Variants in SLC35F3 observed in about 807,000 individuals in gnomAD.
SLC35F3 encodes the protein putative thiamine transporter SLC35F3.
In SLC35F3, 25 loss-of-function variants were observed where a neutral mutation model predicts 49.9. The ratio of observed to expected loss-of-function variants is 0.50; its 90% CI spans 0.37 to 0.70. The LOEUF (loss-of-function observed/expected upper bound fraction) is 0.70. Ranked by LOEUF, SLC35F3 falls within the 30% of genes least tolerant of loss-of-function variation. The pLI is 0.00. For synonymous variants in SLC35F3, 275 were observed against 265.4 expected, an observed-to-expected ratio of 1.04 and a Z score of -0.35; for missense variants, 525 against 639.8, an observed-to-expected ratio of 0.82 and a Z score of 1.94.
intron 2 of SLC35F3, among the ~76,000 whole-genome samples, chr1:233,931,852 A>G (rs1361443755): frequency 2.0e-5 from 3 of 152,216 alleles, no homozygotes; most frequent in African/African-American, 7.2e-5. Context: ...ACGTATGTTT[A>G]TTGCAGCACT....
chr1:234,022,491 A>G (rs562929999), intron 2 of SLC35F3, among the ~76,000 whole-genome samples: 1 of 152,152 alleles, frequency 6.6e-6, no homozygotes, highest in South Asian at 2.1e-4. Flanking sequence ...AAGGCCTTCA[A>G]CTGATTAGAG....
chr1:233,979,010 T>C (rs1663136655), intron 2 of SLC35F3, among the ~76,000 whole-genome samples: 1 of 149,612 alleles, frequency 6.7e-6, no homozygotes, highest in Non-Finnish European at 1.5e-5. Context: ...CACTCCAGCC[T>C]GGACGACAGA....
At chr1:234,168,247 G>A (rs1241601702) in intron 2 of SLC35F3, among the ~76,000 whole-genome samples, 1 of 152,228 alleles carries the variant, frequency 6.6e-6, no homozygotes, top group Admixed American at 6.5e-5. Flanking sequence ...GCTCCTTAGA[G>A]ATTTCCTGCC....
At chr1:233,962,282 A>G (rs1044052945) in intron 2 of SLC35F3, among the ~76,000 whole-genome samples, 1 of 152,244 alleles carries the variant, frequency 6.6e-6, no homozygotes, top group Non-Finnish European at 1.5e-5. Context: ...GTATTCTTCA[A>G]GAATGTGATC....
intron 2 of SLC35F3, among the ~76,000 whole-genome samples, chr1:233,998,381 C>T (rs934238584): frequency 1.3e-5 from 2 of 151,626 alleles, no homozygotes; most frequent in Non-Finnish European, 2.9e-5. Flanking sequence ...TAAACTCTTT[C>T]GGGGCAAAAA....
chr1:234,156,925 C>G (rs1228417552), intron 2 of SLC35F3, among the ~76,000 whole-genome samples: 1 of 152,032 alleles, frequency 6.6e-6, no homozygotes, highest in East Asian at 1.9e-4. Context: ...CGCAGAGAGA[C>G]AGCAAGTAGA....
chr1:233,985,796 C>G (rs1425918876), intron 2 of SLC35F3, among the ~76,000 whole-genome samples: 1 of 152,244 alleles, frequency 6.6e-6, no homozygotes, highest in Non-Finnish European at 1.5e-5. Flanking sequence ...TAGCTGTCCA[C>G]CAGTCTTTAT....
chr1:234,134,753 G>T (rs972998959), intron 2 of SLC35F3, among the ~76,000 whole-genome samples: 11 of 151,962 alleles, frequency 7.2e-5, no homozygotes, highest in African/African-American at 2.2e-4. Flanking sequence ...AGACAGTCTC[G>T]CTCTGTTGCC....
chr1:234,006,558 G>C (rs940967679), intron 2 of SLC35F3, among the ~76,000 whole-genome samples: 1 of 152,216 alleles, frequency 6.6e-6, no homozygotes, highest in Non-Finnish European at 1.5e-5. Context: ...TTCCATGTGT[G>C]ATACTAAAGT....
intron 2 of SLC35F3, among the ~76,000 whole-genome samples, chr1:234,134,286 AATT>A (rs1350940954): frequency 7.0e-6 from 1 of 143,378 alleles, no homozygotes; most frequent in African/African-American, 2.8e-5. Context: ...TATTAATTGT[AATT>A]AATAATAATT....
At chr1:234,011,828 C>G (rs897456396) in intron 2 of SLC35F3, among the ~76,000 whole-genome samples, 6 of 152,108 alleles carry the variant, frequency 3.9e-5, no homozygotes, top group East Asian at 1.9e-4. Flanking sequence ...TGGCCTGCCC[C>G]TCCACACCTG....
At chr1:234,098,013 A>C (rs1488639260) in intron 2 of SLC35F3, among the ~76,000 whole-genome samples, 1 of 150,688 alleles carries the variant, frequency 6.6e-6, no homozygotes, top group Non-Finnish European at 1.5e-5. Context: ...TTATAGGGTG[A>C]TGATGGAGGT....
intron 3 of SLC35F3, among the ~76,000 whole-genome samples, chr1:234,236,925 T>TTATATATATATATATATATATATATATA (rs55846915): frequency 1.0e-5 from 1 of 96,294 alleles, no homozygotes; most frequent in Non-Finnish European, 2.0e-5. Flanking sequence ...AAAAAAAAAA[T>TTATATATATATATATATATATATATATA]TATATATATA....
chr1:234,286,519 A>G (rs588219), intron 3 of SLC35F3, among the ~76,000 whole-genome samples: 104,185 of 152,142 alleles, frequency 0.68, 35,872 homozygotes, highest in Middle Eastern at 0.75. Flanking sequence ...GTTATGTAAC[A>G]AACTGTAGTA....
intron 2 of SLC35F3, among the ~76,000 whole-genome samples, chr1:234,156,631 A>G (rs912920080): frequency 2.0e-5 from 3 of 152,210 alleles, no homozygotes; most frequent in Admixed American, 1.3e-4. Flanking sequence ...TTCAAGAGAA[A>G]TGAAAACATA....
intron 2 of SLC35F3, among the ~76,000 whole-genome samples, chr1:234,051,362 C>G (rs1256487232): frequency 7.2e-5 from 11 of 152,054 alleles, no homozygotes; most frequent in Admixed American, 3.3e-4. Flanking sequence ...CACATCCCTT[C>G]TAAGTTGGAT....
chr1:234,096,733 G>A (rs1665130707), intron 2 of SLC35F3, among the ~76,000 whole-genome samples: 1 of 152,162 alleles, frequency 6.6e-6, no homozygotes, highest in South Asian at 2.1e-4. Flanking sequence ...ATGGATTTGA[G>A]GGTGGGTAAG....
At chr1:234,041,387 T>C (rs926342465) in intron 2 of SLC35F3, among the ~76,000 whole-genome samples, 1 of 152,124 alleles carries the variant, frequency 6.6e-6, no homozygotes, top group Non-Finnish European at 1.5e-5. Context: ...TACGGAGGGA[T>C]TTCTTTCCAG....
chr1:234,123,576 A>ATTTTTTT (rs71170464), intron 2 of SLC35F3, among the ~76,000 whole-genome samples: 5 of 146,698 alleles, frequency 3.4e-5, no homozygotes, highest in South Asian at 2.2e-4. Flanking sequence ...TGCCTGGTTA[A>ATTTTTTT]TTTTTTTTTT....
Sources: gnomAD v4.1 joint callset for allele counts (sites outside exome capture counted in the v4.1 genomes callset) on GRCh38, gnomAD v4.1.1 for gene constraint, MANE v1.5 for transcripts, NCBI Gene and HGNC (gene_info 2026-07-23, HGNC 2026-07-21) for gene names.